FNDC1: variants seen among roughly 807,000 people sequenced by gnomAD.
The protein encoded by FNDC1 is fibronectin type III domain containing 1.
FNDC1 carries 96 observed loss-of-function variants against 168.0 expected under a neutral mutation model. The ratio of observed to expected loss-of-function variants is 0.57; its 90% CI spans 0.48 to 0.68. The LOEUF (loss-of-function observed/expected upper bound fraction) is 0.68. Ranked by LOEUF, FNDC1 falls within the 30% of genes least tolerant of loss-of-function variation. FNDC1 has a pLI of 0.00. For synonymous variants in FNDC1, 1,099 were observed against 1,025.9 expected, an observed-to-expected ratio of 1.07 and a Z score of -1.36; for missense variants, 2,587 against 2,482.1, an observed-to-expected ratio of 1.04 and a Z score of -0.90.
At chr6:159,252,196 T>C (rs1439883652) in intron 17 of FNDC1, among the ~76,000 whole-genome samples, 1 of 152,112 alleles carries the variant, frequency 6.6e-6, no homozygotes, top group Non-Finnish European at 1.5e-5. Context: ...GAAAGAGAAT[T>C]GATATTTTCT....
At chr6:159,249,542 G>C (rs963636926) in intron 16 of FNDC1, among the ~76,000 whole-genome samples, 3 of 152,212 alleles carry the variant, frequency 2.0e-5, no homozygotes, top group African/African-American at 7.2e-5. Context: ...TGTGTGTACT[G>C]TCTGTTAAAT....
intron 1 of FNDC1, among the ~76,000 whole-genome samples, chr6:159,179,639 G>A (rs757968343): frequency 9.2e-5 from 14 of 151,990 alleles, no homozygotes; most frequent in Non-Finnish European, 1.9e-4. Context: ...ATCAACACCC[G>A]GCATTTCATA....
At chr6:159,212,630 G>C (rs1782630560) in intron 4 of FNDC1, among the ~76,000 whole-genome samples, 1 of 152,212 alleles carries the variant, frequency 6.6e-6, no homozygotes, top group South Asian at 2.1e-4. Context: ...TTATTACCGA[G>C]ACAGCGAGCT....
Position 159,208,612 on chromosome 6 carries a change from T to A in FNDC1, c.461-6333T>A, listed in dbSNP as rs1226736613. Among the ~76,000 whole-genome samples, 3 of 152,136 alleles carry A rather than the reference T, an allele frequency of 2.0e-5. No individual in the cohort carries two copies. In the East Asian group the frequency reaches 5.8e-4, roughly 29 times the overall value. On this transcript the variant is annotated intron_variant, in intron 4 of 22. Transcript: ENST00000297267. ...ACTGACGGCACAAAGTAGTTTTTCT[T>A]GATATTCATAGCACTCCACTAGGAT...
chr6:159,238,444 C>G, intron 12 of FNDC1, 110 bp from the exon 13 acceptor site: 1 of 683,638 alleles, frequency 1.5e-6, no homozygotes, highest in Admixed American at 3.0e-5. Context: ...CTTCTACTCA[C>G]ATTACGGTTT....
At chr6:159,259,526 T>G (rs953564366) in intron 18 of FNDC1, among the ~76,000 whole-genome samples, 1 of 152,214 alleles carries the variant, frequency 6.6e-6, no homozygotes, top group African/African-American at 2.4e-5. Flanking sequence ...CTCCTTGACG[T>G]TGACTACTCA....
chr6:159,268,242 G>A (rs374897281), intron 22 of FNDC1, among the ~76,000 whole-genome samples: 1 of 151,944 alleles, frequency 6.6e-6, no homozygotes, highest in Non-Finnish European at 1.5e-5. Flanking sequence ...GGCATTATAA[G>A]GTGAAGACAA....
At chr6:159,229,544 A>G (rs1384468147) in intron 9 of FNDC1, among the ~76,000 whole-genome samples, 4 of 152,232 alleles carry the variant, frequency 2.6e-5, no homozygotes, top group Non-Finnish European at 5.9e-5. Context: ...GGGGAATTGT[A>G]TGAAGACTGG....
rs1252073019 is a variant in FNDC1 at position 159,176,473 on chromosome 6, A to T, written c.109+6768A>T. ...TGACTGGGAGGTCAAGGCCAGCTAT[A>T]TTTGAGCCCTTTTGAGAAGGACATA... On this transcript the variant is annotated intron_variant, in intron 1 of 22. Transcript: ENST00000297267. Among the ~76,000 whole-genome samples, 3 of 152,214 alleles carry T rather than the reference A, an allele frequency of 2.0e-5. No individual in the cohort carries two copies. The East Asian group carries it at 5.8e-4, about 29-fold the overall frequency.
At position 159,187,992 on chromosome 6, in the gene FNDC1, T is replaced by C. The variant is rs145521767; in HGVS notation, c.110-9439T>C. Among the ~76,000 whole-genome samples, 598 of 152,366 alleles carry C rather than the reference T, an allele frequency of 3.9e-3. 2 individuals carry two copies. The highest frequency in any genetic ancestry group is 5.4e-3 in the Non-Finnish European group (367 of 68,038). On this transcript the variant is annotated intron_variant, in intron 1 of 22. Transcript: ENST00000297267. ...CTAACCTTTTCTGGCTGATTATCTG[T>C]TGACTTTTTGGTCCAAGATGTGGTT...
At chr6:159,180,855 C>T (rs1229437028) in intron 1 of FNDC1, among the ~76,000 whole-genome samples, 1 of 152,090 alleles carries the variant, frequency 6.6e-6, no homozygotes, top group East Asian at 1.9e-4. Flanking sequence ...GTGTATATGT[C>T]CCGCATTTTA....
chr6:159,226,390 G>T, intron 8 of FNDC1, 83 bp from the exon 9 acceptor site: 1 of 1,036,372 alleles, frequency 9.6e-7, no homozygotes, highest in South Asian at 1.6e-5. Context: ...TTAAAAAAAT[G>T]TGTACCTAGA....
chr6:159,261,061 T>C (rs1317437017), intron 18 of FNDC1, 129 bp from the exon 19 acceptor site: 6 of 655,324 alleles, frequency 9.2e-6, no homozygotes, highest in Non-Finnish European at 1.6e-5. Context: ...TCACTAGTGC[T>C]GTATGCATTT....
chr6:159,261,873 G>T (rs1777492113), intron 19 of FNDC1, among the ~76,000 whole-genome samples: 1 of 152,126 alleles, frequency 6.6e-6, no homozygotes, highest in Admixed American at 6.5e-5. Flanking sequence ...AAGCCAAGGT[G>T]GGATGATCTC....
intron 20 of FNDC1, among the ~76,000 whole-genome samples, chr6:159,265,493 C>T (rs577384): frequency 0.12 from 17,760 of 152,072 alleles, 1,469 homozygotes; most frequent in East Asian, 0.37. Flanking sequence ...TTTTCCTTGC[C>T]GTTTAAAGAC....
chr6:159,205,986 G>T (rs959965792), intron 4 of FNDC1, among the ~76,000 whole-genome samples: 8 of 152,184 alleles, frequency 5.3e-5, no homozygotes, highest in African/African-American at 1.9e-4. Context: ...CCTCTCCCAG[G>T]GCCCCCTTGT....
intron 1 of FNDC1, among the ~76,000 whole-genome samples, chr6:159,184,901 G>A (rs181140704): frequency 5.0e-4 from 76 of 152,122 alleles, no homozygotes; most frequent in Non-Finnish European, 6.3e-4. Flanking sequence ...CTTCTAGTTG[G>A]GTCTCTGTTG....
At chr6:159,206,649 G>A (rs1315480932) in intron 4 of FNDC1, among the ~76,000 whole-genome samples, 7 of 149,998 alleles carry the variant, frequency 4.7e-5, no homozygotes, top group African/African-American at 7.3e-5. Flanking sequence ...ATGTTGATTC[G>A]GGGGGTTCTG....
chr6:159,199,936 T>C, intron 2 of FNDC1, 60 bp from the exon 3 acceptor site: 1 of 1,423,832 alleles, frequency 7.0e-7, no homozygotes, highest in Non-Finnish European at 9.7e-7. Flanking sequence ...GGTTAGTGAG[T>C]GAAACTGTGT....
Sources: gnomAD v4.1 joint callset for allele counts (sites outside exome capture counted in the v4.1 genomes callset) on GRCh38, gnomAD v4.1.1 for gene constraint, MANE v1.5 for transcripts, NCBI Gene and HGNC (gene_info 2026-07-23, HGNC 2026-07-21) for gene names.